Variants in PIGK observed in about 807,000 individuals in gnomAD.
PIGK encodes the protein GPI-anchor transamidase.
A neutral mutation model predicts 50.6 loss-of-function variants in PIGK; 42 were observed. That is an observed-to-expected ratio of 0.83 (90% CI 0.65 to 1.07). PIGK has a LOEUF of 1.07. PIGK is among the 50% of genes least tolerant of loss of function. The pLI is 0.00. For missense variants in PIGK, 448 were observed against 488.7 expected (o/e 0.92, Z 0.78); for synonymous variants, 151 against 156.0 (o/e 0.97, Z 0.24).
chr1:77,134,740 T>C (rs1479554168), intron 9 of PIGK, among the ~76,000 whole-genome samples: 2 of 152,242 alleles, frequency 1.3e-5, no homozygotes, highest in South Asian at 2.1e-4. Context: ...CCTTTCCTAA[T>C]TGTTCTTGGT....
intron 6 of PIGK, 58 bp downstream of exon 6, chr1:77,163,788 A>T (rs1655177915): frequency 1.1e-6 from 1 of 894,192 alleles, no homozygotes; most frequent in Non-Finnish European, 1.8e-6. Flanking sequence ...CAAATCTACG[A>T]ACCATGTGAA....
At position 77,208,130 on chromosome 1, in the gene PIGK, G is replaced by A. The variant is rs1397744050; in HGVS notation, c.148-1399C>T. 3.9e-5 allele frequency among the ~76,000 whole-genome samples: 6 copies of A among 152,080 alleles called. No individual in the cohort carries two copies. The East Asian group carries it at 5.8e-4, about 15-fold the overall frequency. ...AGTTCTAGCTACTTGGGAAGCTGAC[G>A]TGGGAGGATCACTTGAGCCCAGGAG... On this transcript the variant is annotated intron_variant, in intron 2 of 10. Transcript: ENST00000370812.
intron 3 of PIGK, among the ~76,000 whole-genome samples, chr1:77,183,822 G>A (rs1014280484): frequency 2.6e-5 from 4 of 152,144 alleles, no homozygotes; most frequent in Non-Finnish European, 5.9e-5. Context: ...GTTTAATGTA[G>A]AGAAAGGGAC....
intron 9 of PIGK, among the ~76,000 whole-genome samples, chr1:77,127,299 A>G (rs1257552177): frequency 1.3e-5 from 2 of 152,196 alleles, no homozygotes; most frequent in Admixed American, 1.3e-4. Flanking sequence ...TCCTAAAATA[A>G]CACTGTAAAA....
chr1:77,153,677 T>G (rs1428767343), intron 9 of PIGK: 1 of 152,110 alleles, frequency 6.6e-6, no homozygotes, highest in Non-Finnish European at 1.5e-5. Flanking sequence ...GAAAAGCATC[T>G]TGTGCCAGTG....
chr1:77,124,729 A>C (rs1654189201), intron 9 of PIGK, among the ~76,000 whole-genome samples: 1 of 152,192 alleles, frequency 6.6e-6, no homozygotes, highest in Non-Finnish European at 1.5e-5. Flanking sequence ...CAGAATGAAA[A>C]AACAGTCTAC....
At chr1:77,111,266 C>G (rs1222119177) in intron 10 of PIGK, among the ~76,000 whole-genome samples, 1 of 152,052 alleles carries the variant, frequency 6.6e-6, no homozygotes, top group African/African-American at 2.4e-5. Flanking sequence ...GGTATATACC[C>G]AAAGGATTAT....
intron 3 of PIGK, among the ~76,000 whole-genome samples, chr1:77,172,930 A>AAAT (rs928511163): frequency 3.3e-5 from 5 of 152,098 alleles, no homozygotes; most frequent in Non-Finnish European, 5.9e-5. Context: ...CCTCAGAAAA[A>AAAT]AATAATAATA....
chr1:77,183,782 G>A (rs1188197468), intron 3 of PIGK, among the ~76,000 whole-genome samples: 9 of 152,156 alleles, frequency 5.9e-5, no homozygotes, highest in Non-Finnish European at 1.3e-4. Flanking sequence ...ATGGCCCACT[G>A]TGAGAGGTGG....
chr1:77,187,058 A>G (rs1000685579), intron 3 of PIGK, among the ~76,000 whole-genome samples: 1 of 152,172 alleles, frequency 6.6e-6, no homozygotes, highest in African/African-American at 2.4e-5. Flanking sequence ...TATTTCACAC[A>G]TCATCACCTC....
At chr1:77,215,750 T>C (rs1245068090) in intron 1 of PIGK, among the ~76,000 whole-genome samples, 2 of 152,224 alleles carry the variant, frequency 1.3e-5, no homozygotes, top group Non-Finnish European at 2.9e-5. Context: ...TGGAGTATTA[T>C]TCATCCATAA....
At chr1:77,105,710 A>G (rs574919703) in intron 10 of PIGK, among the ~76,000 whole-genome samples, 3 of 152,318 alleles carry the variant, frequency 2.0e-5, no homozygotes, top group South Asian at 2.1e-4. Context: ...TGTTTTTATA[A>G]CTAAAGTTTT....
chr1:77,204,307 G>A (rs1656240665), intron 3 of PIGK, among the ~76,000 whole-genome samples: 1 of 152,080 alleles, frequency 6.6e-6, no homozygotes, highest in Non-Finnish European at 1.5e-5. Context: ...TTAGGATTAG[G>A]AAATTCCTGC....
intron 3 of PIGK, among the ~76,000 whole-genome samples, chr1:77,169,824 G>C (rs938676603): frequency 5.3e-5 from 8 of 152,144 alleles, no homozygotes; most frequent in Non-Finnish European, 7.4e-5. Flanking sequence ...ACATTCTCAA[G>C]ACTTACAGAG....
chr1:77,191,574 C>G (rs1459008603), intron 3 of PIGK, among the ~76,000 whole-genome samples: 1 of 152,192 alleles, frequency 6.6e-6, no homozygotes, highest in East Asian at 1.9e-4. Flanking sequence ...ACTAATATGC[C>G]TTTTATGATA....
chr1:77,149,057 T>A (rs1654836370), intron 9 of PIGK, among the ~76,000 whole-genome samples: 2 of 152,048 alleles, frequency 1.3e-5, no homozygotes, highest in South Asian at 4.1e-4. Flanking sequence ...CGATTTTTAA[T>A]GAACCTAATG....
At chr1:77,136,933 T>A (rs1654532158) in intron 9 of PIGK, among the ~76,000 whole-genome samples, 1 of 152,234 alleles carries the variant, frequency 6.6e-6, no homozygotes, top group Admixed American at 6.5e-5. Flanking sequence ...GTATGAGAAA[T>A]CTTACAAAAA....
intron 9 of PIGK, among the ~76,000 whole-genome samples, chr1:77,147,393 G>A (rs1311309667): frequency 1.3e-5 from 2 of 152,102 alleles, no homozygotes; most frequent in African/African-American, 4.8e-5. Context: ...GGTGAGGGCA[G>A]GGGAGAAAAA....
rs571087957 is a variant in PIGK, at chr1:77,142,059, T to C, written c.986+12390A>G. Among the ~76,000 whole-genome samples the C allele has an allele frequency of 3.3e-5, 5 of 152,298 alleles. No homozygotes were observed. In the South Asian group the frequency reaches 1.0e-3, roughly 32 times the overall value. ...ATTAAAAAAGACTAATAGGCTATAA[T>C]ACTGAATTAACACTAGTAAGATAAA... On this transcript the variant is annotated intron_variant, in intron 9 of 10. Coordinates refer to ENST00000370812, the MANE Select transcript of PIGK (RefSeq NM_005482.3).
Sources: allele counts gnomAD v4.1 joint callset (sites outside exome capture counted in the v4.1 genomes callset), GRCh38; gene constraint gnomAD v4.1.1; transcripts MANE v1.5; gene names NCBI Gene and HGNC (gene_info 2026-07-23, HGNC 2026-07-21).